The following TRPM3 variants were observed in gnomAD, a reference collection of about 807,000 sequenced individuals.
TRPM3 encodes long transient receptor potential channel 3.
A neutral mutation model predicts 181.2 loss-of-function variants in TRPM3; 77 were observed. The ratio of observed to expected loss-of-function variants is 0.42; its 90% CI spans 0.35 to 0.51. The LOEUF is 0.51. Ranked by LOEUF, TRPM3 falls within the 20% of genes least tolerant of loss-of-function variation. The pLI, the probability that TRPM3 is intolerant of heterozygous loss-of-function variation, is 0.01. For synonymous variants in TRPM3, 745 were observed against 796.4 expected (o/e 0.94, Z 1.09); for missense variants, 1,759 against 2,196.7 (o/e 0.80, Z 3.98).
At chr9:71,406,597 C>A (rs113554116) in intron 1 of TRPM3, among the ~76,000 whole-genome samples, 1 of 151,990 alleles carries the variant, frequency 6.6e-6, no homozygotes, top group Non-Finnish European at 1.5e-5. Context: ...ATTCTGTTTA[C>A]GGAAAAAGCA....
intron 1 of TRPM3, among the ~76,000 whole-genome samples, chr9:71,209,496 A>G (rs1307245333): frequency 6.6e-6 from 1 of 152,186 alleles, no homozygotes; most frequent in Non-Finnish European, 1.5e-5. Flanking sequence ...AAACAAAACA[A>G]TACCAGGTAT....
intron 8 of TRPM3, among the ~76,000 whole-genome samples, chr9:70,757,451 A>G (rs2077277471): frequency 6.6e-6 from 1 of 152,214 alleles, no homozygotes; most frequent in Non-Finnish European, 1.5e-5. Flanking sequence ...TCCAAAAAAT[A>G]GAAAAAGAGG....
At chr9:70,863,258 G>C in intron 2 of TRPM3, 146 bp from the exon 3 acceptor site, 2 of 649,330 alleles carry the variant, frequency 3.1e-6, no homozygotes, top group Non-Finnish European at 5.2e-6. Flanking sequence ...GCTATATCAG[G>C]TATTGGTAAA....
intron 1 of TRPM3, among the ~76,000 whole-genome samples, chr9:71,070,554 A>C (rs2062623200): frequency 6.6e-6 from 1 of 152,240 alleles, no homozygotes; most frequent in African/African-American, 2.4e-5. Context: ...AATCATAACA[A>C]GATATTTTAG....
At chr9:71,348,577 T>TA (rs1486146791) in intron 1 of TRPM3, among the ~76,000 whole-genome samples, 1 of 149,550 alleles carries the variant, frequency 6.7e-6, no homozygotes, top group African/African-American at 2.5e-5. Flanking sequence ...TTTATTTATT[T>TA]TTTATTTTTT....
At chr9:70,884,655 T>C (rs1180538249) in intron 1 of TRPM3, among the ~76,000 whole-genome samples, 1 of 152,194 alleles carries the variant, frequency 6.6e-6, no homozygotes, top group African/African-American at 2.4e-5. Context: ...ATGCCTTTAG[T>C]TTTTGCAACA....
At chr9:70,785,210 T>C (rs1465699640) in intron 6 of TRPM3, among the ~76,000 whole-genome samples, 2 of 152,214 alleles carry the variant, frequency 1.3e-5, no homozygotes, top group Non-Finnish European at 2.9e-5. Flanking sequence ...ATTTAAGCTA[T>C]TTATGCTGAG....
At chr9:70,696,101 A>G (rs1275108209) in intron 8 of TRPM3, among the ~76,000 whole-genome samples, 1 of 152,192 alleles carries the variant, frequency 6.6e-6, no homozygotes, top group Non-Finnish European at 1.5e-5. Context: ...AGGGGCAAGG[A>G]TCTTCCCCTC....
At chr9:71,079,142 C>T (rs1483520096) in intron 1 of TRPM3, among the ~76,000 whole-genome samples, 1 of 152,200 alleles carries the variant, frequency 6.6e-6, no homozygotes, top group East Asian at 1.9e-4. Flanking sequence ...GTTCTGTTTG[C>T]ACAATCCAAA....
At chr9:71,336,402 G>A (rs2090559849) in intron 1 of TRPM3, among the ~76,000 whole-genome samples, 2 of 152,116 alleles carry the variant, frequency 1.3e-5, no homozygotes, top group South Asian at 4.1e-4. Flanking sequence ...CAAGGGATGT[G>A]AAGGACTTCT....
intron 1 of TRPM3, among the ~76,000 whole-genome samples, chr9:71,283,095 T>A (rs1588282768): frequency 6.6e-6 from 1 of 152,062 alleles, no homozygotes; most frequent in East Asian, 1.9e-4. Flanking sequence ...TACAGTTTAG[T>A]CTGTATTAAA....
intron 1 of TRPM3, among the ~76,000 whole-genome samples, chr9:71,193,237 C>T (rs919950485): frequency 1.3e-5 from 2 of 151,764 alleles, no homozygotes; most frequent in African/African-American, 4.8e-5. Context: ...GTCATCACTT[C>T]CTTTCACTCC....
intron 1 of TRPM3, among the ~76,000 whole-genome samples, chr9:71,272,583 T>G (rs2083885727): frequency 6.6e-6 from 1 of 152,212 alleles, no homozygotes; most frequent in South Asian, 2.1e-4. Flanking sequence ...ATAAAACGAT[T>G]AAACTCAACT....
rs5898169 is a variant in TRPM3, at chr9:70,877,804, AACAC to A, written c.178-13297_178-13294del. On this transcript the variant is annotated intron_variant, in intron 1 of 25. Transcript: ENST00000677713. The stretch of plus-strand genomic sequence containing the variant: ...CCTAAGTGCAAAGAGAAAATCATAA[AACAC>A]ACACACACACACACACACACACTCC... Among the ~76,000 whole-genome samples the A allele has an allele frequency of 2.8e-4, 41 of 146,214 alleles. No individual in the cohort carries two copies. The South Asian group carries it at 3.8e-3, about 13-fold the overall frequency.
upstream of TRPM3, among the ~76,000 whole-genome samples, chr9:71,124,664 G>A (rs180913285): frequency 8.5e-5 from 13 of 152,200 alleles, no homozygotes; most frequent in East Asian, 1.2e-3. Context: ...CTGACAAGGC[G>A]GCCATTGTAT....
intron 1 of TRPM3, among the ~76,000 whole-genome samples, chr9:71,078,137 G>A (rs2063730811): frequency 6.6e-6 from 1 of 151,868 alleles, no homozygotes; most frequent in Non-Finnish European, 1.5e-5. Flanking sequence ...AAACAATATT[G>A]TTTGCAAAAT....
intron 1 of TRPM3, among the ~76,000 whole-genome samples, chr9:71,067,203 T>C (rs1259127200): frequency 6.6e-6 from 1 of 150,774 alleles, no homozygotes; most frequent in East Asian, 2.0e-4. Context: ...TTCCTTACAC[T>C]GTGTATAGTA....
chr9:71,418,503 G>A (rs2093671842), intron 1 of TRPM3, among the ~76,000 whole-genome samples: 1 of 151,714 alleles, frequency 6.6e-6, no homozygotes, highest in African/African-American at 2.4e-5. Flanking sequence ...TCTCATCCTT[G>A]CCCACATGAC....
intron 6 of TRPM3, among the ~76,000 whole-genome samples, chr9:70,809,035 A>G (rs1197758034): frequency 6.6e-6 from 1 of 152,232 alleles, no homozygotes; most frequent in Admixed American, 6.5e-5. Context: ...GTGCAGGCCT[A>G]GTTTAATGAG....
Sources: gnomAD v4.1 joint callset for allele counts (sites outside exome capture counted in the v4.1 genomes callset) on GRCh38, gnomAD v4.1.1 for gene constraint, MANE v1.5 for transcripts, NCBI Gene and HGNC (gene_info 2026-07-23, HGNC 2026-07-21) for gene names.